Variants in CADM2 observed in about 807,000 individuals in gnomAD.
The protein encoded by CADM2 is immunoglobulin superfamily member 4D.
CADM2 carries 12 observed loss-of-function variants against 49.8 expected under a neutral mutation model. The observed-to-expected ratio is 0.24, with a 90% CI of 0.15 to 0.39. The LOEUF (loss-of-function observed/expected upper bound fraction) is 0.39. CADM2 is among the 10% of genes least tolerant of loss of function. The pLI is 1.00. For synonymous variants in CADM2, 214 were observed against 175.4 expected, an observed-to-expected ratio of 1.22 and a Z score of -1.74; for missense variants, 378 against 492.3, an observed-to-expected ratio of 0.77 and a Z score of 2.20.
chr3:85,235,520 T>C (rs1545490), intron 1 of CADM2, among the ~76,000 whole-genome samples: 103,054 of 151,944 alleles, frequency 0.68, 35,796 homozygotes, highest in African/African-American at 0.82. Flanking sequence ...AAACATAAAA[T>C]TGAAATGCTA....
At chr3:85,253,731 A>C (rs958253874) in intron 1 of CADM2, among the ~76,000 whole-genome samples, 3 of 152,090 alleles carry the variant, frequency 2.0e-5, no homozygotes, top group African/African-American at 7.2e-5. Flanking sequence ...CAAATTTTTT[A>C]TGTAAATTAG....
intron 3 of CADM2, among the ~76,000 whole-genome samples, chr3:85,841,188 A>T (rs1253242077): frequency 6.6e-6 from 1 of 151,924 alleles, no homozygotes. Context: ...TGACAATTTC[A>T]AAACTTAAAA....
At chr3:85,146,219 A>G (rs1404388208) in intron 1 of CADM2, among the ~76,000 whole-genome samples, 1 of 152,174 alleles carries the variant, frequency 6.6e-6, no homozygotes, top group Non-Finnish European at 1.5e-5. Flanking sequence ...CAACACCCAA[A>G]TAACCAAATA....
chr3:85,485,872 G>T (rs567239443), intron 1 of CADM2, among the ~76,000 whole-genome samples: 1 of 152,066 alleles, frequency 6.6e-6, no homozygotes, highest in East Asian at 1.9e-4. Flanking sequence ...ATGAGTATGT[G>T]GTAATACAAA....
intron 1 of CADM2, among the ~76,000 whole-genome samples, chr3:85,010,673 T>C (rs1164480672): frequency 1.3e-5 from 2 of 151,800 alleles, no homozygotes; most frequent in African/African-American, 2.4e-5. Context: ...AAACCTGTCC[T>C]TGTTACTCCC....
chr3:85,801,629 G>A (rs1047400536), intron 2 of CADM2, among the ~76,000 whole-genome samples: 4 of 152,110 alleles, frequency 2.6e-5, no homozygotes, highest in African/African-American at 9.7e-5. Context: ...GATTATAAAA[G>A]CTACCAGGGA....
intron 1 of CADM2, among the ~76,000 whole-genome samples, chr3:85,245,895 C>T (rs1398505701): frequency 1.3e-5 from 2 of 152,126 alleles, no homozygotes; most frequent in Non-Finnish European, 2.9e-5. Flanking sequence ...CTCATAGGCT[C>T]ATAGTAGTTA....
intron 1 of CADM2, among the ~76,000 whole-genome samples, chr3:85,200,904 A>C (rs1301178308): frequency 6.6e-6 from 1 of 152,156 alleles, no homozygotes; most frequent in Non-Finnish European, 1.5e-5. Context: ...ATCTATCTTA[A>C]AGTAATTATA....
At chr3:85,752,472 G>GCACACA (rs3044028) in intron 2 of CADM2, among the ~76,000 whole-genome samples, 6,739 of 147,828 alleles carry the variant, frequency 0.046, 401 homozygotes, top group African/African-American at 0.14. Context: ...ATGTGTGCGT[G>GCACACA]CACACACACA....
At chr3:85,552,371 T>G (rs1213180805) in intron 1 of CADM2, among the ~76,000 whole-genome samples, 5 of 12,504 alleles carry the variant, frequency 4.0e-4, no homozygotes, top group East Asian at 0.02. Flanking sequence ...GAAAAGTTTT[T>G]TTTTTTTTTT....
At chr3:85,309,896 A>G (rs1183150220) in intron 1 of CADM2, among the ~76,000 whole-genome samples, 1 of 152,234 alleles carries the variant, frequency 6.6e-6, no homozygotes, top group Non-Finnish European at 1.5e-5. Flanking sequence ...AGGTCAGTGC[A>G]AGAAATGACC....
Position 85,832,555 on chromosome 3 carries a change from ATT to A in CADM2, c.238+30364_238+30365del, listed in dbSNP as rs2074230072. On this transcript the variant is annotated intron_variant, in intron 3 of 9. Transcript: ENST00000383699. ...TCCTTGGTTAGATCTATTCCAAGGT[ATT>A]TTTTCTAGGTATCATGCATGGGATC... 2.6e-5 allele frequency among the ~76,000 whole-genome samples: 4 copies of A among 151,598 alleles called. No homozygotes were observed. In the South Asian group the frequency reaches 8.3e-4, roughly 32 times the overall value.
intron 1 of CADM2, among the ~76,000 whole-genome samples, chr3:85,538,184 A>G (rs1413578422): frequency 6.6e-6 from 1 of 152,132 alleles, no homozygotes; most frequent in Non-Finnish European, 1.5e-5. Context: ...CAGGAAGTGT[A>G]GGAATAATTT....
chr3:85,409,867 AAAACTC>A (rs1438099666), intron 1 of CADM2, among the ~76,000 whole-genome samples: 2 of 152,176 alleles, frequency 1.3e-5, no homozygotes, highest in African/African-American at 4.8e-5. Flanking sequence ...TTTCAGGAAA[AAAACTC>A]AAAATCAAGA....
intron 1 of CADM2, among the ~76,000 whole-genome samples, chr3:85,257,093 G>T (rs1576224417): frequency 6.6e-6 from 1 of 152,142 alleles, no homozygotes; most frequent in Admixed American, 6.6e-5. Context: ...GAAATAGGGA[G>T]GTCCAGTAAT....
Position 85,912,450 on chromosome 3 carries a change from C to T in CADM2, c.607C>T (p.Arg203Trp). The T allele has an allele frequency of 6.2e-7, 1 of 1,614,036 alleles. No homozygotes were observed. ...CAGCACACTGGACTTCCGAGTGGAC[C>T]GGAGTGATGATGGAGTGGCGGTCAT... ...VSSTLDFRVD[R>W]SDDGVAVICR... The change falls in exon 6 of 10, where the codon CGG becomes TGG. Residue 203 changes from arginine (R) to tryptophan (W), a missense_variant. By Grantham distance (101) the Arg-to-Trp change is moderately radical (BLOSUM62 -3). Coordinates refer to ENST00000383699, the MANE Select transcript of CADM2 (RefSeq NM_001167675.2).
intron 1 of CADM2, among the ~76,000 whole-genome samples, chr3:85,372,501 T>C (rs904336514): frequency 6.6e-6 from 1 of 151,746 alleles, no homozygotes; most frequent in Non-Finnish European, 1.5e-5. Context: ...ATATTCTTTA[T>C]AGTTATCCAC....
chr3:85,476,083 T>A (rs1244280050), intron 1 of CADM2, among the ~76,000 whole-genome samples: 1 of 151,950 alleles, frequency 6.6e-6, no homozygotes, highest in Non-Finnish European at 1.5e-5. Flanking sequence ...AATTAAACAC[T>A]ACTTCAAATG....
At chr3:85,252,031 C>G (rs538746969) in intron 1 of CADM2, among the ~76,000 whole-genome samples, 1 of 151,924 alleles carries the variant, frequency 6.6e-6, no homozygotes. Flanking sequence ...TCCCTTGCCA[C>G]AAGGCCAGCA....
Sources: gnomAD v4.1 joint callset for allele counts (sites outside exome capture counted in the v4.1 genomes callset) on GRCh38, gnomAD v4.1.1 for gene constraint, MANE v1.5 for transcripts, NCBI Gene and HGNC (gene_info 2026-07-23, HGNC 2026-07-21) for gene names.